The following HERC4 variants were observed in gnomAD, a reference collection of about 807,000 sequenced individuals.
The protein encoded by HERC4 is probable E3 ubiquitin-protein ligase HERC4.
HERC4 carries 28 observed loss-of-function variants against 124.3 expected under a neutral mutation model. The observed-to-expected ratio is 0.23, with a 90% CI of 0.17 to 0.31. The LOEUF (loss-of-function observed/expected upper bound fraction) is 0.31. Ranked by LOEUF, HERC4 falls within the 10% of genes least tolerant of loss-of-function variation. The pLI is 1.00. For missense variants in HERC4, 713 were observed against 1,229.3 expected, an observed-to-expected ratio of 0.58 and a Z score of 6.28; for synonymous variants, 407 against 421.5, an observed-to-expected ratio of 0.97 and a Z score of 0.42.
At chr10:68,022,500 AAAATAAAT>A (rs34560535) in intron 8 of HERC4, among the ~76,000 whole-genome samples, 10,156 of 143,930 alleles carry the variant, frequency 0.071, 907 homozygotes, top group African/African-American at 0.21. Flanking sequence ...ACTCCATCTC[AAAATAAAT>A]AAATAAATAA....
chr10:68,062,440 C>T (rs1275245001), intron 3 of HERC4, among the ~76,000 whole-genome samples: 5 of 152,244 alleles, frequency 3.3e-5, no homozygotes, highest in South Asian at 2.1e-4. Context: ...CCATCATCTA[C>T]CTGCTCCTTT....
intron 4 of HERC4, among the ~76,000 whole-genome samples, chr10:68,042,652 A>T (rs1238369699): frequency 6.6e-6 from 1 of 152,088 alleles, no homozygotes; most frequent in African/African-American, 2.4e-5. Context: ...ATCTATAAAC[A>T]CCAATTTTTA....
chr10:68,026,806 G>T (rs1369761503), intron 7 of HERC4, among the ~76,000 whole-genome samples: 1 of 151,880 alleles, frequency 6.6e-6, no homozygotes, highest in Non-Finnish European at 1.5e-5. Flanking sequence ...TCACGCCACT[G>T]CACTCCAGCC....
intron 4 of HERC4, among the ~76,000 whole-genome samples, chr10:68,039,237 A>T (rs984674220): frequency 3.3e-5 from 5 of 149,330 alleles, no homozygotes; most frequent in Admixed American, 2.7e-4. Context: ...AATGACTTGG[A>T]CCTGGGAGGC....
At chr10:68,044,149 G>GC (rs886067782) in intron 4 of HERC4, among the ~76,000 whole-genome samples, 1 of 151,906 alleles carries the variant, frequency 6.6e-6, no homozygotes, top group African/African-American at 2.4e-5. Context: ...TTGTAATGAA[G>GC]CAAGTATTCC....
intron 8 of HERC4, among the ~76,000 whole-genome samples, chr10:68,015,309 C>T (rs1036005855): frequency 3.3e-5 from 5 of 152,186 alleles, no homozygotes; most frequent in African/African-American, 1.2e-4. Flanking sequence ...CAGCTCCTAG[C>T]CAGATCATCA....
chr10:67,947,452 T>C (rs946320942), intron 19 of HERC4, among the ~76,000 whole-genome samples: 8 of 152,140 alleles, frequency 5.3e-5, no homozygotes, highest in Admixed American at 3.3e-4. Context: ...CTCCAAAATA[T>C]ATAAGGCAAA....
Position 67,936,640 on chromosome 10 carries a change from T to C in HERC4, c.2572-405A>G, listed in dbSNP as rs114999643. Among the ~76,000 whole-genome samples the C allele has an allele frequency of 1.2e-3, 182 of 152,356 alleles. 1 individual carries two copies. The highest frequency in any genetic ancestry group is 4.4e-3 in the African/African-American group (181 of 41,584). On this transcript the variant is annotated intron_variant, in intron 21 of 24. Transcript: ENST00000373700. ...CAACTGCTACTCCAGGGTTCCTCTA[T>C]CACCCTTGTTGTAAACTTTATCACA...
At chr10:68,034,300 G>A (rs376433713) in intron 5 of HERC4, 114 bp from the exon 6 acceptor site, 44 of 728,632 alleles carry the variant, frequency 6.0e-5, no homozygotes, top group East Asian at 2.7e-4. Flanking sequence ...GGGACATTCT[G>A]CCTATCATCA....
At chr10:68,053,682 T>C in intron 3 of HERC4, among the ~76,000 whole-genome samples, 1 of 152,174 alleles carries the variant, frequency 6.6e-6, no homozygotes, top group Admixed American at 6.6e-5. Context: ...GGCCACTTGT[T>C]TGTAATGACA....
At chr10:67,950,214 C>T (rs1331095875) in intron 19 of HERC4, among the ~76,000 whole-genome samples, 2 of 151,976 alleles carry the variant, frequency 1.3e-5, no homozygotes, top group African/African-American at 4.8e-5. Context: ...AGAGGGTGGT[C>T]CAGTATGTCT....
At chr10:67,929,596 C>T (rs2031555072) in intron 23 of HERC4, among the ~76,000 whole-genome samples, 1 of 152,096 alleles carries the variant, frequency 6.6e-6, no homozygotes. Flanking sequence ...CTCACTGCAG[C>T]CTCTACCTCC....
At chr10:68,071,374 A>G (rs541909671) in intron 3 of HERC4, among the ~76,000 whole-genome samples, 4 of 152,252 alleles carry the variant, frequency 2.6e-5, no homozygotes, top group Non-Finnish European at 4.4e-5. Flanking sequence ...ACCTCAGTAG[A>G]CCTAAGTAAC....
chr10:68,015,397 C>T (rs1380616418), intron 8 of HERC4, among the ~76,000 whole-genome samples: 2 of 152,196 alleles, frequency 1.3e-5, no homozygotes, highest in African/African-American at 4.8e-5. Context: ...GAACTATTAG[C>T]TAAATAATTA....
intron 9 of HERC4, among the ~76,000 whole-genome samples, chr10:68,000,099 C>A (rs1308127198): frequency 6.6e-6 from 1 of 152,050 alleles, no homozygotes; most frequent in Admixed American, 6.6e-5. Flanking sequence ...CTCAAGCAAT[C>A]CTCCCGCCTC....
intron 14 of HERC4, 67 bp from the exon 15 acceptor site, chr10:67,988,902 A>T: frequency 7.6e-7 from 1 of 1,307,876 alleles, no homozygotes; most frequent in Non-Finnish European, 1.1e-6. Flanking sequence ...TCAAAATCAT[A>T]CTGACTTTTT....
intron 20 of HERC4, among the ~76,000 whole-genome samples, chr10:67,940,576 C>T (rs1056068258): frequency 1.3e-5 from 2 of 152,026 alleles, no homozygotes; most frequent in Admixed American, 6.6e-5. Flanking sequence ...TGGGCCACCA[C>T]GCCTGGCTAA....
intron 15 of HERC4, among the ~76,000 whole-genome samples, chr10:67,973,412 A>C (rs949103267): frequency 6.6e-6 from 1 of 152,242 alleles, no homozygotes; most frequent in Non-Finnish European, 1.5e-5. Flanking sequence ...GGCTAAAACA[A>C]GGCCCAATCC....
chr10:67,934,508 T>G (rs1042501306), intron 22 of HERC4, among the ~76,000 whole-genome samples: 3 of 152,188 alleles, frequency 2.0e-5, no homozygotes, highest in East Asian at 3.9e-4. Flanking sequence ...TGGTGGTGGT[T>G]GTTTTTTTAA....
Sources: allele counts gnomAD v4.1 joint callset (sites outside exome capture counted in the v4.1 genomes callset), GRCh38; gene constraint gnomAD v4.1.1; transcripts MANE v1.5; gene names NCBI Gene and HGNC (gene_info 2026-07-23, HGNC 2026-07-21).